DENND1A: variants seen among roughly 807,000 people sequenced by gnomAD.
DENND1A encodes DENN domain-containing protein 1A.
In DENND1A, 51 loss-of-function variants were observed where a neutral mutation model predicts 113.7. That is an observed-to-expected ratio of 0.45 (90% CI 0.36 to 0.57). DENND1A has a LOEUF of 0.57. Ranked by LOEUF, DENND1A falls within the 20% of genes least tolerant of loss-of-function variation. The pLI, the probability that DENND1A is intolerant of heterozygous loss-of-function variation, is 0.00. For synonymous variants in DENND1A, 565 were observed against 570.8 expected (o/e 0.99, Z 0.14); for missense variants, 1,258 against 1,395.9 (o/e 0.90, Z 1.57).
chr9:123,436,855 C>T (rs192092533), intron 19 of DENND1A, among the ~76,000 whole-genome samples: 1 of 152,048 alleles, frequency 6.6e-6, no homozygotes, highest in African/African-American at 2.4e-5. Context: ...TCAAGCAATT[C>T]TCATGCCTCA....
chr9:123,630,390 C>G lies in DENND1A; in HGVS notation c.705G>C (p.Leu235=). 6.3e-7 allele frequency: 1 copy of G among 1,597,570 alleles called. No individual in the cohort carries two copies. The highest frequency in any genetic ancestry group is 8.5e-7 in the Non-Finnish European group (1 of 1,169,814). The part of the protein sequence containing the change: ...HVYIPVLPPH[L]LDYCCAPMPY... ...AGCCACCTTACCAGCAGTAGTCCAG[C>G]AGATGCGGCGGCAGCACGGGGATGT... The change falls in exon 10 of 24, where the codon CTG becomes CTC. Residue 235 remains leucine (L), a synonymous_variant. Transcript: ENST00000394215.
At chr9:123,799,300 T>G (rs1834257170) in intron 2 of DENND1A, among the ~76,000 whole-genome samples, 2 of 152,214 alleles carry the variant, frequency 1.3e-5, no homozygotes, top group African/African-American at 2.4e-5. Context: ...TTATCATAGT[T>G]AAAGCAATAG....
intron 2 of DENND1A, among the ~76,000 whole-genome samples, chr9:123,831,412 C>A (rs959001752): frequency 6.6e-6 from 1 of 152,102 alleles, no homozygotes; most frequent in Non-Finnish European, 1.5e-5. Flanking sequence ...CAATACAAAT[C>A]TTAGCAAGGC....
intron 21 of DENND1A, chr9:123,400,266 A>C (rs963436820): frequency 1.3e-5 from 2 of 152,278 alleles, no homozygotes; most frequent in Non-Finnish European, 1.5e-5. Context: ...TTGACACAGG[A>C]AAATTTCATT....
At chr9:123,486,735 C>A (rs1362072797) in intron 13 of DENND1A, among the ~76,000 whole-genome samples, 1 of 152,226 alleles carries the variant, frequency 6.6e-6, no homozygotes, top group Non-Finnish European at 1.5e-5. Flanking sequence ...CTCACCCCCA[C>A]CTCATATGTT....
intron 13 of DENND1A, among the ~76,000 whole-genome samples, chr9:123,531,343 A>C (rs958374717): frequency 1.3e-5 from 2 of 152,022 alleles, no homozygotes; most frequent in African/African-American, 4.8e-5. Context: ...TGCCTTCCTT[A>C]GTTTTTTACA....
chr9:123,908,733 C>A (rs896701179), intron 1 of DENND1A, among the ~76,000 whole-genome samples: 2 of 151,150 alleles, frequency 1.3e-5, no homozygotes, highest in African/African-American at 2.4e-5. Context: ...AATAGGAACA[C>A]TTTTACACTG....
chr9:123,457,398 T>C lies in DENND1A; in HGVS notation c.1136A>G (p.Glu379Gly). The change falls in exon 15 of 24, where the codon GAA (glutamate) becomes GGA (glycine). Residue 379 changes from glutamate (E) to glycine (G), a missense_variant. Coordinates refer to ENST00000394215, the MANE Select transcript of DENND1A (RefSeq NM_001352964.2). ...CTCTTCAAAAACATCACTGAAACCT[T>C]CGCCGGAATTGAGAAGATCTAATCG... ...DGRLDLLNSG[E>G]GFSDVFEEEI... The C allele has an allele frequency of 1.2e-6, 2 of 1,614,036 alleles. No individual in the cohort carries two copies. Among genetic ancestry groups the C allele is most frequent in the Non-Finnish European group, 1.7e-6 (2 of 1,179,976 alleles).
chr9:123,891,782 A>C (rs1849937110), intron 1 of DENND1A, among the ~76,000 whole-genome samples: 1 of 152,212 alleles, frequency 6.6e-6, no homozygotes, highest in South Asian at 2.1e-4. Flanking sequence ...CTTCCATCTG[A>C]AACAACCAAA....
chr9:123,845,928 A>G (rs1471722986), intron 2 of DENND1A, among the ~76,000 whole-genome samples: 1 of 152,112 alleles, frequency 6.6e-6, no homozygotes, highest in Non-Finnish European at 1.5e-5. Flanking sequence ...GAAAGAGAAA[A>G]GTTAACCTAC....
intron 19 of DENND1A, among the ~76,000 whole-genome samples, chr9:123,434,566 C>T (rs1457097796): frequency 1.3e-5 from 2 of 152,180 alleles, no homozygotes; most frequent in Non-Finnish European, 2.9e-5. Flanking sequence ...CAGTGCCAGG[C>T]CCTGCAGTGG....
intron 13 of DENND1A, among the ~76,000 whole-genome samples, chr9:123,524,155 C>T (rs560769463): frequency 5.3e-5 from 8 of 152,270 alleles, no homozygotes; most frequent in Non-Finnish European, 7.4e-5. Flanking sequence ...CTTACTCCTT[C>T]CTGATGTCTG....
intron 5 of DENND1A, among the ~76,000 whole-genome samples, chr9:123,743,854 G>A (rs1385556173): frequency 6.6e-6 from 1 of 152,054 alleles, no homozygotes; most frequent in Non-Finnish European, 1.5e-5. Context: ...GCTCAGAAAG[G>A]TGACATGACA....
chr9:123,850,298 C>T (rs1843149302), intron 2 of DENND1A, among the ~76,000 whole-genome samples: 1 of 152,178 alleles, frequency 6.6e-6, no homozygotes, highest in Admixed American at 6.5e-5. Flanking sequence ...CCATCCTGAC[C>T]AGCCGGTAGC....
At chr9:123,385,088 C>T (rs1360025012) in intron 22 of DENND1A, among the ~76,000 whole-genome samples, 1 of 152,242 alleles carries the variant, frequency 6.6e-6, no homozygotes, top group African/African-American at 2.4e-5. Context: ...CAGGGCACCA[C>T]TGGGTAGATG....
chr9:123,867,107 T>C (rs896976404), intron 2 of DENND1A, among the ~76,000 whole-genome samples: 1 of 152,208 alleles, frequency 6.6e-6, no homozygotes, highest in Non-Finnish European at 1.5e-5. Flanking sequence ...CACAGTGATA[T>C]CTTCAGTAAA....
At chr9:123,639,792 A>C (rs12002687) in intron 9 of DENND1A, among the ~76,000 whole-genome samples, 60,528 of 150,310 alleles carry the variant, frequency 0.4, 12,644 homozygotes, top group African/African-American at 0.46. Context: ...AAAAAAAAAA[A>C]AAAAACAAAA....
intron 20 of DENND1A, among the ~76,000 whole-genome samples, chr9:123,406,798 A>G (rs1179789550): frequency 6.6e-6 from 1 of 152,098 alleles, no homozygotes; most frequent in Non-Finnish European, 1.5e-5. Context: ...GAGTGTGGGT[A>G]GGGTGAAGGA....
At chr9:123,798,873 C>CTT (rs1360072489) in intron 2 of DENND1A, among the ~76,000 whole-genome samples, 1 of 151,372 alleles carries the variant, frequency 6.6e-6, no homozygotes. Context: ...TTATTGGAAA[C>CTT]AATTCCTAAA....
Sources: gnomAD v4.1 joint callset for allele counts (sites outside exome capture counted in the v4.1 genomes callset) on GRCh38, gnomAD v4.1.1 for gene constraint, MANE v1.5 for transcripts, NCBI Gene and HGNC (gene_info 2026-07-23, HGNC 2026-07-21) for gene names.